Variants in USH1C observed in about 807,000 individuals in gnomAD.
USH1C encodes the protein USH1 protein network component harmonin.
A neutral mutation model predicts 119.3 loss-of-function variants in USH1C; 90 were observed. The observed-to-expected ratio is 0.75, with a 90% CI of 0.64 to 0.90. The LOEUF (loss-of-function observed/expected upper bound fraction) is 0.90, where lower values mean the gene tolerates loss of function less well. USH1C is among the 40% of genes least tolerant of loss of function. The pLI is 0.00. For missense variants in USH1C, 1,165 were observed against 1,167.7 expected (o/e 1.00, Z 0.03); for synonymous variants, 465 against 443.3 (o/e 1.05, Z -0.62).
chr11:17,530,209 T>G (rs1220612613), intron 4 of USH1C, among the ~76,000 whole-genome samples: 1 of 152,160 alleles, frequency 6.6e-6, no homozygotes. Context: ...CTGGAAGCTC[T>G]TGGTGATGGT....
intron 15 of USH1C, among the ~76,000 whole-genome samples, chr11:17,513,694 T>C (rs150174843): frequency 1.1e-4 from 16 of 152,234 alleles, no homozygotes; most frequent in African/African-American, 3.6e-4. Flanking sequence ...CCTGCCATCG[T>C]AGTAGAGATT....
chr11:17,527,002 G>C lies in USH1C; in HGVS notation c.521+14C>G, dbSNP rs1235631667. 7 of 1,564,048 alleles carry C rather than the reference G, an allele frequency of 4.5e-6. No individual in the cohort carries two copies. Among genetic ancestry groups the C allele is most frequent in the Middle Eastern group, 1.7e-4 (1 of 5,982 alleles). ...CACAGGGAAGAGTTGGCCTGCAGAG[G>C]AGGGGCCTCTCACCTTTTCACGGGG... On this transcript the variant is annotated intron_variant, in intron 6 of 26. Transcript: ENST00000005226.
chr11:17,526,334 G>A lies in USH1C; in HGVS notation c.674+13C>T, dbSNP rs1565056541. On this transcript the variant is annotated intron_variant, in intron 8 of 26. Coordinates refer to ENST00000005226, the MANE Select transcript of USH1C (RefSeq NM_153676.4). ...CTGGCCACGAATGACCCCAGGGCAT[G>A]CCTGCCACCCACCTGCAGCCAAGGC... The A allele has an allele frequency of 6.2e-7, 1 of 1,610,810 alleles. No individual in the cohort carries two copies. Among genetic ancestry groups the A allele is most frequent in the South Asian group, 1.1e-5 (1 of 90,998 alleles).
In USH1C at chr11:17,495,683, T is replaced by C; in HGVS notation, c.2547-6A>G. 6 of 1,614,002 alleles carry C rather than the reference T, an allele frequency of 3.7e-6. No individual in the cohort carries two copies. Among genetic ancestry groups the C allele is most frequent in the Non-Finnish European group, 5.1e-6 (6 of 1,179,942 alleles). On this transcript the variant is annotated splice_polypyrimidine_tract_variant and splice_region_variant and intron_variant, in intron 25 of 26. Coordinates refer to ENST00000005226, the MANE Select transcript of USH1C (RefSeq NM_153676.4). ...CGGAGGAGGGAAGAGAAGCTCTATA[T>C]ATACAGAGCAGAGCAAGAAACACAA...
intron 18 of USH1C, 135 bp downstream of exon 18, chr11:17,509,221 G>C (rs1368159773): frequency 1.6e-6 from 2 of 1,245,024 alleles, no homozygotes; most frequent in East Asian, 2.5e-5. Flanking sequence ...GCACACGGAG[G>C]GGGCATTCCT....
In USH1C at chr11:17,526,661, G is replaced by A. The variant is rs112888183; in HGVS notation, c.579+92C>T. The A allele has an allele frequency of 4.8e-3, 6,657 of 1,399,418 alleles. 233 individuals carry two copies. In the African/African-American group the frequency reaches 0.077, roughly 16 times the overall value. The allele number at this position is 1,399,418 out of a possible 1,614,324, so 86.7% of individuals were successfully genotyped here. On this transcript the variant is annotated intron_variant, in intron 7 of 26. Coordinates refer to ENST00000005226, the MANE Select transcript of USH1C (RefSeq NM_153676.4). ...GAGCCTGTGTGAAGCCCCTGAGGGT[G>A]CATCTCTAGAGCAAGCCCTCCCTTC...
At chr11:17,501,632 G>T (rs780190203) in intron 21 of USH1C, 97 bp from the exon 22 acceptor site, 1 of 1,386,086 alleles carries the variant, frequency 7.2e-7, no homozygotes, top group African/African-American at 1.4e-5. Context: ...TGGGACACTG[G>T]GCCCCACAGA....
At chr11:17,519,708 G>A (rs1326454376) in intron 14 of USH1C, among the ~76,000 whole-genome samples, 2 of 152,224 alleles carry the variant, frequency 1.3e-5, no homozygotes, top group African/African-American at 4.8e-5. Context: ...TGATGAGAGT[G>A]TGCTTTGTCC....
rs771861342 is a variant in USH1C, at chr11:17,527,295, T to G, written c.424A>C (p.Ile142Leu). 1 of 1,612,578 alleles carries G rather than the reference T, an allele frequency of 6.2e-7. No homozygotes were observed. The highest frequency in any genetic ancestry group is 2.2e-5 in the East Asian group (1 of 44,774). The change falls in exon 5 of 27, where the codon ATC (isoleucine) becomes CTC (leucine). Residue 142 changes from isoleucine (I) to leucine (L), a missense_variant. Physicochemically the swap from Ile to Leu is conservative, Grantham distance 5. Transcript: ENST00000005226. ...ACCTCCTCATGGGTACAGGAGGAGATGGAATATCCATTGATCCGGACGATC... is the reference window on the plus strand; with the variant it reads ...ACCTCCTCATGGGTACAGGAGGAGAGGGAATATCCATTGATCCGGACGATC... ...DEIVRINGYS[I>L]SSCTHEEVIN...
At chr11:17,539,157 C>G (rs545943620) in intron 1 of USH1C, among the ~76,000 whole-genome samples, 2 of 152,292 alleles carry the variant, frequency 1.3e-5, no homozygotes, top group East Asian at 3.9e-4. Flanking sequence ...CTCTTCTTGG[C>G]CAAGTCTTTC....
At chr11:17,494,672 G>A (rs1433939532) in intron 26 of USH1C, 2 of 478,434 alleles carry the variant, frequency 4.2e-6, no homozygotes, top group Admixed American at 3.3e-5. Flanking sequence ...ATAGGGCCAT[G>A]CAGGCCACCC....
intron 13 of USH1C, 47 bp from the exon 14 acceptor site, chr11:17,521,041 G>C (rs745676216): frequency 1.1e-5 from 18 of 1,611,866 alleles, no homozygotes; most frequent in Non-Finnish European, 1.4e-5. Flanking sequence ...AACCCCCATA[G>C]GCCCATCTCC....
rs773295612 is a variant in USH1C at position 17,543,435 on chromosome 11, A to G, written c.36+837T>C. ...CCACCCACCCCCCCCAAGCGGCTTC[A>G]TCCCCAGACTCAGAGGCATCCTAAG... On this transcript the variant is annotated intron_variant, in intron 1 of 26. Coordinates refer to ENST00000005226, the MANE Select transcript of USH1C (RefSeq NM_153676.4). Among the ~76,000 whole-genome samples the G allele has an allele frequency of 1.2e-4, 18 of 152,052 alleles. 1 individual carries two copies. Among genetic ancestry groups the G allele is most frequent in the Non-Finnish European group, 2.2e-4 (15 of 67,986 alleles).
chr11:17,525,927 G>A (rs1850647091), intron 8 of USH1C, among the ~76,000 whole-genome samples: 1 of 152,242 alleles, frequency 6.6e-6, no homozygotes, highest in Admixed American at 6.5e-5. Context: ...AAGGCTGGGT[G>A]CGGTGCTTCA....
At chr11:17,529,306 A>AG (rs1159857197) in intron 4 of USH1C, among the ~76,000 whole-genome samples, 7 of 152,328 alleles carry the variant, frequency 4.6e-5, no homozygotes, top group Admixed American at 6.5e-5. Context: ...GGAAAAAAAA[A>AG]CAAAAACCAA....
At position 17,533,477 on chromosome 11, in the gene USH1C, T is replaced by C. The variant is rs571659409; in HGVS notation, c.37-155A>G. On this transcript the variant is annotated intron_variant, in intron 1 of 26. Coordinates refer to ENST00000005226, the MANE Select transcript of USH1C (RefSeq NM_153676.4). Reference sequence around the variant, plus strand: ...GAGGAGCCACAGGCCAGGCTGCCCCTCTGACCCCAATGCATCAGACCTATG... The same window carrying C: ...GAGGAGCCACAGGCCAGGCTGCCCCCCTGACCCCAATGCATCAGACCTATG... 426 of 696,050 alleles carry C rather than the reference T, an allele frequency of 6.1e-4. 3 individuals are homozygous for C. Among genetic ancestry groups the C allele is most frequent in the South Asian group, 6.0e-3 (398 of 65,954 alleles). The allele number at this position is 696,050 out of a possible 1,614,324, so 43.1% of individuals were successfully genotyped here.
intron 8 of USH1C, among the ~76,000 whole-genome samples, chr11:17,524,748 C>T (rs1339687051): frequency 1.3e-5 from 2 of 152,184 alleles, no homozygotes; most frequent in Admixed American, 6.5e-5. Context: ...ACCTAATATA[C>T]CTCATATGCT....
chr11:17,501,216 A>G, intron 22 of USH1C, 66 bp from the exon 23 acceptor site: 1 of 1,347,282 alleles, frequency 7.4e-7, no homozygotes, highest in Non-Finnish European at 1.1e-6. Context: ...CTGGGCACCA[A>G]GGAGTCTCTT....
chr11:17,507,671 G>A (rs7129919), intron 18 of USH1C, among the ~76,000 whole-genome samples: 17,881 of 152,192 alleles, frequency 0.12, 1,243 homozygotes, highest in South Asian at 0.24. Context: ...TTTGGACAGG[G>A]ATGCCCAGGC....
Sources: allele counts gnomAD v4.1 joint callset (sites outside exome capture counted in the v4.1 genomes callset), GRCh38; gene constraint gnomAD v4.1.1; transcripts MANE v1.5; gene names NCBI Gene and HGNC (gene_info 2026-07-23, HGNC 2026-07-21).